Variants in ABL1 observed in about 807,000 individuals in gnomAD.
ABL1 encodes the protein tyrosine-protein kinase ABL1.
In ABL1, 11 loss-of-function variants were observed where a neutral mutation model predicts 94.7. The ratio of observed to expected loss-of-function variants is 0.12; its 90% CI spans 0.07 to 0.19. The LOEUF is 0.19. Ranked by LOEUF, ABL1 falls within the 10% of genes least tolerant of loss-of-function variation. The probability of loss-of-function intolerance (pLI) is 1.00; values close to 1 mark genes in which losing one functional copy is unlikely to be tolerated. For missense variants in ABL1, 1,082 were observed against 1,489.4 expected (o/e 0.73, Z 4.50); for synonymous variants, 656 against 622.4 (o/e 1.05, Z -0.80).
At chr9:130,828,265 A>T (rs1035585185) in intron 1 of ABL1, among the ~76,000 whole-genome samples, 6 of 152,108 alleles carry the variant, frequency 3.9e-5, no homozygotes, top group African/African-American at 1.4e-4. Flanking sequence ...GGGTCTCACT[A>T]TGTTGCCCAG....
chr9:130,834,462 T>C (rs1332747875), upstream of ABL1, among the ~76,000 whole-genome samples: 2 of 152,234 alleles, frequency 1.3e-5, no homozygotes, highest in South Asian at 2.1e-4. Context: ...CTTTATAACA[T>C]TGTCTGTGGT....
At chr9:130,740,696 C>A (rs1420888901) in intron 1 of ABL1, among the ~76,000 whole-genome samples, 1 of 152,060 alleles carries the variant, frequency 6.6e-6, no homozygotes, top group African/African-American at 2.4e-5. Context: ...TGCTCTGTCA[C>A]CCAGGTTGAA....
chr9:130,777,307 T>G (rs1225715756), intron 1 of ABL1, among the ~76,000 whole-genome samples: 1 of 152,222 alleles, frequency 6.6e-6, no homozygotes, highest in Non-Finnish European at 1.5e-5. Context: ...TATATGTGGA[T>G]GGGGTTGTCC....
chr9:130,836,935 A>G (rs1442582330), intron 1 of ABL1, among the ~76,000 whole-genome samples: 1 of 152,176 alleles, frequency 6.6e-6, no homozygotes, highest in Non-Finnish European at 1.5e-5. Flanking sequence ...CAGGAGAAAT[A>G]AACAGGCCTC....
intron 1 of ABL1, among the ~76,000 whole-genome samples, chr9:130,750,849 G>A (rs1831956037): frequency 6.6e-6 from 1 of 151,486 alleles, no homozygotes. Flanking sequence ...GTTTCACCAT[G>A]TTAGTCAGGC....
chr9:130,770,646 A>G (rs1302392932), intron 1 of ABL1, among the ~76,000 whole-genome samples: 1 of 152,240 alleles, frequency 6.6e-6, no homozygotes, highest in Non-Finnish European at 1.5e-5. Flanking sequence ...TACTGTGTGC[A>G]GGCACTGTTC....
At chr9:130,768,053 C>T (rs1015642507) in intron 1 of ABL1, among the ~76,000 whole-genome samples, 3 of 152,136 alleles carry the variant, frequency 2.0e-5, no homozygotes, top group South Asian at 2.1e-4. Context: ...CAAAACCCTG[C>T]GTTTTCACAT....
At chr9:130,734,823 C>T (rs1245458078) in intron 1 of ABL1, among the ~76,000 whole-genome samples, 1 of 151,968 alleles carries the variant, frequency 6.6e-6, no homozygotes, top group Non-Finnish European at 1.5e-5. Context: ...CGCCCAGCCT[C>T]TATTGAATAT....
intron 1 of ABL1, among the ~76,000 whole-genome samples, chr9:130,737,827 G>A (rs1047618866): frequency 6.8e-6 from 1 of 147,256 alleles, no homozygotes; most frequent in African/African-American, 2.5e-5. Flanking sequence ...TCTCAGAACA[G>A]TGTCTTTTTT....
At chr9:130,860,085 G>A (rs1329073387) in intron 3 of ABL1, among the ~76,000 whole-genome samples, 1 of 152,150 alleles carries the variant, frequency 6.6e-6, no homozygotes, top group Non-Finnish European at 1.5e-5. Flanking sequence ...CATGGAACCA[G>A]GTGCATAGCG....
Position 130,886,050 on chromosome 9 carries a change from C to T in ABL1, c.*367C>T, listed in dbSNP as rs367604116. 4.8e-5 allele frequency: 13 copies of T among 269,880 alleles called. No homozygotes were observed. The highest frequency in any genetic ancestry group is 2.8e-4 in the African/African-American group (13 of 46,308). 16.7% of individuals were successfully genotyped at this position (269,880 alleles called of 1,614,324 possible). A position where few individuals can be genotyped will look rare whatever the true frequency, so the allele number is the denominator to read the frequency against. The stretch of plus-strand genomic sequence containing the variant: ...TGTGGACTGTCTTTTTCATTTTTTT[C>T]TCTCTGGAGCCCCTCCTCCCCCGGC... On this transcript the variant is annotated 3_prime_UTR_variant, in exon 11 of 11. Transcript: ENST00000318560.
rs551563970 is a variant in ABL1, at chr9:130,835,367, C to G, written c.-80C>G. 1.2e-6 allele frequency: 1 copy of G among 813,814 alleles called. No individual in the cohort carries two copies. The highest frequency in any genetic ancestry group is 1.5e-6 in the Non-Finnish European group (1 of 656,900). 50.4% of individuals were successfully genotyped at this position (813,814 alleles called of 1,614,324 possible). ...GGGCCGGGGGCGCCGGGGGGGCGCG[C>G]GGGCCGAGCCGGGCCTGAGCCGGGC... On this transcript the variant is annotated 5_prime_UTR_variant, in exon 1 of 11. Coordinates refer to ENST00000318560, the MANE Select transcript of ABL1 (RefSeq NM_005157.6). The surrounding 1 kb of genome is among the most constrained non-coding windows in gnomAD (Gnocchi z 4.6).
intron 1 of ABL1, among the ~76,000 whole-genome samples, chr9:130,797,250 A>G (rs1372284746): frequency 7.1e-6 from 1 of 140,242 alleles, no homozygotes; most frequent in African/African-American, 2.8e-5. Flanking sequence ...AAAAAAAAAA[A>G]AAAAAAAAAA....
Position 130,862,893 on chromosome 9 carries a change from G to A in ABL1, c.680G>A (p.Gly227Asp), listed in dbSNP as rs1564315523. Residue 227 changes from glycine (G) to aspartate (D), a missense_variant, in exon 4 of 11, where the codon GGT (glycine) becomes GAT (aspartate). This residue lies in a region of ABL1 where 92 missense variants were observed against 212.3 expected (regional missense o/e 0.43). Coordinates refer to ENST00000318560, the MANE Select transcript of ABL1 (RefSeq NM_005157.6). The surrounding 1 kb of genome is among the most constrained non-coding windows in gnomAD (Gnocchi z 5.5). ...APKRNKPTVY[G>D]VSPNYDKWEM... ...AAGCGCAACAAGCCCACTGTCTATG[G>A]TGTGTCCCCCAACTACGACAAGTGG... is the stretch of plus-strand genomic sequence containing the variant. 1 of 1,614,192 alleles carries A rather than the reference G, an allele frequency of 6.2e-7. No individual in the cohort carries two copies. The highest frequency in any genetic ancestry group is 1.7e-5 in the Admixed American group (1 of 60,028).
Position 130,756,005 on chromosome 9 carries a change from T to TA in ABL1, c.136+41559dup, listed in dbSNP as rs202093921. On this transcript the variant is annotated intron_variant, in intron 1 of 10. Coordinates refer to the ABL1 transcript ENST00000372348. Reference sequence around the variant, plus strand: ...AAAGTTGATTACACTTCTCATTTATTAAAAAAAAATGACTTGATAGCATAG... The same window carrying TA: ...AAAGTTGATTACACTTCTCATTTATTAAAAAAAAAATGACTTGATAGCATAG... Among the ~76,000 whole-genome samples, 362 of 151,568 alleles carry TA rather than the reference T, an allele frequency of 2.4e-3. 2 individuals are homozygous for TA. The highest frequency in any genetic ancestry group is 6.8e-3 in the Middle Eastern group (2 of 292).
chr9:130,718,177 G>T (rs1166489847), intron 1 of ABL1, among the ~76,000 whole-genome samples: 3 of 151,762 alleles, frequency 2.0e-5, no homozygotes, highest in African/African-American at 7.3e-5. Context: ...AATTAGATGG[G>T]CGTGGTGGCA....
chr9:130,757,145 G>A (rs1483568994), intron 1 of ABL1, among the ~76,000 whole-genome samples: 1 of 152,208 alleles, frequency 6.6e-6, no homozygotes, highest in Admixed American at 6.5e-5. Flanking sequence ...AGAACTTGGT[G>A]AGAATGAGGT....
chr9:130,824,359 T>G (rs996747074), intron 1 of ABL1, among the ~76,000 whole-genome samples: 3 of 152,194 alleles, frequency 2.0e-5, no homozygotes, highest in African/African-American at 7.2e-5. Context: ...CTTTTTCTGT[T>G]TTTTTGTTCT....
At position 130,735,961 on chromosome 9, in the gene ABL1, A is replaced by AT. The variant is rs141181174; in HGVS notation, c.136+21518dup. Among the ~76,000 whole-genome samples the AT allele has an allele frequency of 1.7e-3, 165 of 94,834 alleles. 3 individuals are homozygous for AT. The highest frequency in any genetic ancestry group is 5.4e-3 in the African/African-American group (84 of 15,688). 62.2% of individuals were successfully genotyped at this position (94,834 alleles called of 152,430 possible). On this transcript the variant is annotated intron_variant, in intron 1 of 10. Transcript: ENST00000372348. ...TATATATATATATATATATATATAT[A>AT]TTTTTTTTTTTTAAGACAGGGTCTG...
Sources: gnomAD v4.1 joint callset for allele counts (sites outside exome capture counted in the v4.1 genomes callset) on GRCh38, gnomAD v4.1.1 for gene constraint, gnomAD v4.1.1 regional missense constraint, Gnocchi (gnomAD v3.1) non-coding constraint, MANE v1.5 for transcripts, NCBI Gene and HGNC (gene_info 2026-07-23, HGNC 2026-07-21) for gene names.